ZSCAN29: variants seen among roughly 807,000 people sequenced by gnomAD.
The protein encoded by ZSCAN29 is zinc finger and SCAN domain containing 29, also known as zinc finger and SCAN domain-containing protein 29.
ZSCAN29 carries 55 observed loss-of-function variants against 71.9 expected under a neutral mutation model. The ratio of observed to expected loss-of-function variants is 0.76; its 90% CI spans 0.62 to 0.96. ZSCAN29 has a LOEUF of 0.96. Ranked by LOEUF, ZSCAN29 falls within the 40% of genes least tolerant of loss-of-function variation. ZSCAN29 has a pLI of 0.00. For synonymous variants in ZSCAN29, 351 were observed against 371.6 expected, an observed-to-expected ratio of 0.94 and a Z score of 0.64; for missense variants, 1,042 against 1,042.2, an observed-to-expected ratio of 1.00 and a Z score of 0.00.
At chr15:43,366,018 G>C (rs1188909789) in intron 4 of ZSCAN29, 92 bp downstream of exon 4, 1 of 1,315,830 alleles carries the variant, frequency 7.6e-7, no homozygotes, top group East Asian at 2.3e-5. Flanking sequence ...AAGTGGCAAA[G>C]CTGGCATGTG....
chr15:43,364,206 T>G lies in ZSCAN29; in HGVS notation c.1399A>C (p.Ser467Arg), dbSNP rs2044013049. 6.2e-7 allele frequency: 1 copy of G among 1,614,116 alleles called. No individual in the cohort carries two copies. Among genetic ancestry groups the G allele is most frequent in the Non-Finnish European group, 8.5e-7 (1 of 1,180,056 alleles). The change falls in exon 5 of 6, where the codon AGC (serine) becomes CGC (arginine). Residue 467 changes from serine (S) to arginine (R), a missense_variant. Transcript: ENST00000684362. Reference protein sequence around the residue: ...TPEQCRTKFKSLQTSYRKVKN... With the variant: ...TPEQCRTKFKRLQTSYRKVKN... ...ACTTTCCGATAGCTGGTTTGCAGGC[T>G]TTTAAACTTGGTCCGACACTGTTCT...
intron 4 of ZSCAN29, among the ~76,000 whole-genome samples, chr15:43,364,653 A>G (rs2044017766): frequency 6.6e-6 from 1 of 152,164 alleles, no homozygotes; most frequent in South Asian, 2.1e-4. Flanking sequence ...TATGCCTGTA[A>G]TCCCTGTGGA....
At position 43,361,090 on chromosome 15, in the gene ZSCAN29, G is replaced by A. The variant is rs1230129270; in HGVS notation, c.2542C>T (p.Gln848Ter). Residue 848 changes from glutamine to a stop codon, truncating the protein, a stop_gained, in exon 6 of 6, where the codon CAG (glutamine) becomes TAG (stop). Transcript: ENST00000684362. LOFTEE classifies it high-confidence loss of function. ...EIHAREKLLT[Q>*]SAPK ...TCAGGGGCTTACTTGGGAGCTGACT[G>A]TGTCAGAAGCTTTTCCCGTGCATGG... 4 of 1,599,666 alleles carry A rather than the reference G, an allele frequency of 2.5e-6. No homozygotes were observed. Among genetic ancestry groups the A allele is most frequent in the Admixed American group, 1.7e-5 (1 of 59,026 alleles).
Position 43,361,437 on chromosome 15 carries a change from T to C in ZSCAN29, c.2195A>G (p.Lys732Arg), listed in dbSNP as rs2043978925. ...CCCACACTCACCACATTGATAAGGTTTCTCTCCTGTGTGGATTCTCCTATG... is the reference window on the plus strand; with the variant it reads ...CCCACACTCACCACATTGATAAGGTCTCTCTCCTGTGTGGATTCTCCTATG... ...ITHRRIHTGE[K>R]PYQCGECGKC... The change falls in exon 6 of 6, where the codon AAA becomes AGA. Residue 732 changes from lysine to arginine, a missense_variant. Lys to Arg is a conservative substitution (Grantham distance 26). Coordinates refer to ENST00000684362, the MANE Select transcript of ZSCAN29 (RefSeq NM_001372080.1). 2 of 1,613,732 alleles carry C rather than the reference T, an allele frequency of 1.2e-6. No homozygotes were observed. The highest frequency in any genetic ancestry group is 2.7e-5 in the African/African-American group (2 of 75,042).
rs777100046 is a variant in ZSCAN29 at position 43,366,756 on chromosome 15, T to C, written c.576A>G (p.Pro192=). ...GVVSRLEQGE[P]WIPDLLGSKE... Reference sequence around the variant, plus strand: ...TAGAGCCCAGCAGATCTGGGATCCATGGCTCTCCTTGCTCCAACCTGGAGA... The same window carrying C: ...TAGAGCCCAGCAGATCTGGGATCCACGGCTCTCCTTGCTCCAACCTGGAGA... The change falls in exon 4 of 6, where the codon CCA becomes CCG. Residue 192 remains proline, a synonymous_variant. Coordinates refer to ENST00000684362, the MANE Select transcript of ZSCAN29 (RefSeq NM_001372080.1). 1.2e-6 allele frequency: 2 copies of C among 1,614,180 alleles called. No homozygotes were observed. Among genetic ancestry groups the C allele is most frequent in the Non-Finnish European group, 1.7e-6 (2 of 1,180,014 alleles).
chr15:43,361,254 G>A lies in ZSCAN29; in HGVS notation c.2378C>T (p.Pro793Leu), dbSNP rs202117016. 7.4e-6 allele frequency: 12 copies of A among 1,613,952 alleles called. No individual in the cohort carries two copies. The highest frequency in any genetic ancestry group is 1.0e-5 in the Non-Finnish European group (12 of 1,179,980). Reference protein sequence around the residue: ...IHTGERPHVCPDCGKSFSKSS... With the variant: ...IHTGERPHVCLDCGKSFSKSS... Reference sequence around the variant, plus strand: ...CTTACTGAAACTCTTTCCACAGTCAGGACACACATGGGGTCTCTCTCCTGT... The same window carrying A: ...CTTACTGAAACTCTTTCCACAGTCAAGACACACATGGGGTCTCTCTCCTGT... The change falls in exon 6 of 6, where the codon CCT becomes CTT. Residue 793 changes from proline to leucine, a missense_variant. By Grantham distance (98) the Pro-to-Leu change is moderately conservative. Transcript: ENST00000684362.
intron 1 of ZSCAN29, 120 bp from the exon 2 acceptor site, chr15:43,370,145 T>TA: frequency 2.0e-6 from 1 of 500,704 alleles, no homozygotes; most frequent in Non-Finnish European, 3.5e-6. Context: ...CAATCTTCAG[T>TA]AAATAGACTT....
At chr15:43,369,417 T>G (rs2044074197) in intron 2 of ZSCAN29, 179 bp downstream of exon 2, 1 of 669,752 alleles carries the variant, frequency 1.5e-6, no homozygotes, top group Admixed American at 3.3e-5. Context: ...ACAGGGTAGG[T>G]GAAGGTACAC....
rs987659786 is a variant in ZSCAN29 at position 43,361,010 on chromosome 15, T to C, written c.*63A>G. ...ACACAGAATAGTAGATGAATCTCAC[T>C]ATTGGAAGACTTTCTAAACAATACA... is the stretch of plus-strand genomic sequence containing the variant. On this transcript the variant is annotated 3_prime_UTR_variant, in exon 6 of 6. Transcript: ENST00000684362. 2.6e-6 allele frequency: 4 copies of C among 1,512,734 alleles called. No individual in the cohort carries two copies. The highest frequency in any genetic ancestry group is 2.4e-4 in the Middle Eastern group (1 of 4,170). The allele number at this position is 1,512,734 out of a possible 1,614,324, so 93.7% of individuals were successfully genotyped here.
chr15:43,364,173 C>T lies in ZSCAN29; in HGVS notation c.1432G>A (p.Gly478Ser). ...LQTSYRKVKNGQAPETCPFFE... is the reference protein window; with the variant it reads ...LQTSYRKVKNSQAPETCPFFE... ...AAGGGACAGGTCTCTGGTGCCTGGCCATTCTTAACTTTCCGATAGCTGGTT... is the reference window on the plus strand; with the variant it reads ...AAGGGACAGGTCTCTGGTGCCTGGCTATTCTTAACTTTCCGATAGCTGGTT... Residue 478 changes from glycine (G) to serine (S), a missense_variant, in exon 5 of 6, where the codon GGC becomes AGC. Physicochemically the swap from Gly to Ser is moderately conservative, Grantham distance 56. Coordinates refer to ENST00000684362, the MANE Select transcript of ZSCAN29 (RefSeq NM_001372080.1). The T allele has an allele frequency of 6.2e-7, 1 of 1,614,154 alleles. No individual in the cohort carries two copies. Among genetic ancestry groups the T allele is most frequent in the Middle Eastern group, 1.6e-4 (1 of 6,062 alleles).
At chr15:43,363,811 C>G (rs2044006538) in intron 5 of ZSCAN29, 104 bp downstream of exon 5, 1 of 1,115,122 alleles carries the variant, frequency 9.0e-7, no homozygotes, top group African/African-American at 1.6e-5. Context: ...AAGAAGAATC[C>G]ATGAAAGCTG....
At position 43,363,350 on chromosome 15, in the gene ZSCAN29, A is replaced by T. The variant is rs144321904; in HGVS notation, c.1690+565T>A. 4.5e-3 allele frequency among the ~76,000 whole-genome samples: 682 copies of T among 152,212 alleles called. 21 individuals are homozygous for T. Among genetic ancestry groups the T allele is most frequent in the Non-Finnish European group, 1.4e-3 (96 of 68,012 alleles). On this transcript the variant is annotated intron_variant, in intron 5 of 5. Coordinates refer to ENST00000684362, the MANE Select transcript of ZSCAN29 (RefSeq NM_001372080.1). ...AGATTCACATACGTACACATATATG[A>T]CTCTGAAATCAGAACTCTTCTCACA...
intron 3 of ZSCAN29, 129 bp from the exon 4 acceptor site, chr15:43,366,937 A>T: frequency 2.3e-6 from 2 of 857,240 alleles, no homozygotes; most frequent in Non-Finnish European, 1.8e-6. Context: ...GTTTTCAGAA[A>T]GTTCAGTGGG....
Position 43,370,847 on chromosome 15 carries a change from G to T in ZSCAN29, c.-402C>A. 1 of 168,608 alleles carries T rather than the reference G, an allele frequency of 5.9e-6. No homozygotes were observed. The highest frequency in any genetic ancestry group is 1.4e-4 in the South Asian group (1 of 7,356). 10.4% of individuals were successfully genotyped at this position (168,608 alleles called of 1,614,324 possible). On this transcript the variant is annotated 5_prime_UTR_variant, in exon 1 of 6. Transcript: ENST00000684362. ...TCGTGCGGTCCCTCCAGAGGCCTCT[G>T]ACCCGGCTAAGGCGCCCTGAGGGCG...
chr15:43,363,168 G>A (rs1223656921), intron 5 of ZSCAN29, among the ~76,000 whole-genome samples: 1 of 152,056 alleles, frequency 6.6e-6, no homozygotes, highest in African/African-American at 2.4e-5. Context: ...TAATAGAGAT[G>A]GGGTTTCGCC....
chr15:43,362,892 T>TA (rs1288442617), intron 5 of ZSCAN29, among the ~76,000 whole-genome samples: 1 of 152,162 alleles, frequency 6.6e-6, no homozygotes, highest in Non-Finnish European at 1.5e-5. Context: ...TGAAAACTAT[T>TA]ATTAAATGGC....
rs1394523590 is a variant in ZSCAN29, at chr15:43,361,313, G to T, written c.2319C>A (p.Asn773Lys). 2 of 1,613,970 alleles carry T rather than the reference G, an allele frequency of 1.2e-6. No individual in the cohort carries two copies. The highest frequency in any genetic ancestry group is 2.7e-5 in the African/African-American group (2 of 74,872). ...TCCGATGTGCACTAAAATGAGAACT[G>T]TTATTGAAGCTTTTTCCACACTCTT... ...QCEECGKSFNNSSHFSAHRRI... is the reference protein window; with the variant it reads ...QCEECGKSFNKSSHFSAHRRI... Residue 773 changes from asparagine to lysine, a missense_variant, in exon 6 of 6, where the codon AAC becomes AAA. Transcript: ENST00000684362.
chr15:43,368,948 C>G lies in ZSCAN29; in HGVS notation c.498G>C (p.Glu166Asp), dbSNP rs770899128. ...CGCTCCTTTGAAAAGGTTTGAGCTT[C>G]TCCTTTGGGTTCATCTGCTCCTGTG... ...LGPQEQMNPK[E>D]KLKPFQRSGL... The change falls in exon 3 of 6, where the codon GAG becomes GAC. Residue 166 changes from glutamate to aspartate, a missense_variant. Physicochemically the swap from Glu to Asp is conservative, Grantham distance 45 (BLOSUM62 2). Coordinates refer to ENST00000684362, the MANE Select transcript of ZSCAN29 (RefSeq NM_001372080.1). The G allele has an allele frequency of 2.4e-5, 39 of 1,609,180 alleles. No individual in the cohort carries two copies. The highest frequency in any genetic ancestry group is 3.3e-5 in the Non-Finnish European group (39 of 1,178,238).
intron 2 of ZSCAN29, 189 bp downstream of exon 2, chr15:43,369,407 A>G: frequency 1.5e-6 from 1 of 645,924 alleles, no homozygotes. Context: ...ACTCATTATG[A>G]CAGGGTAGGT....
Sources: gnomAD v4.1 joint callset for allele counts (sites outside exome capture counted in the v4.1 genomes callset) on GRCh38, gnomAD v4.1.1 for gene constraint, MANE v1.5 for transcripts, NCBI Gene and HGNC (gene_info 2026-07-23, HGNC 2026-07-21) for gene names.